Variants in LRMDA observed in about 807,000 individuals in gnomAD.
LRMDA encodes the protein leucine-rich melanocyte differentiation-associated protein.
Under a neutral mutation model 29.8 loss-of-function variants are expected in LRMDA, and 18 were observed. The ratio of observed to expected loss-of-function variants is 0.60; its 90% CI spans 0.42 to 0.90. The LOEUF is 0.90. LRMDA is among the 40% of genes least tolerant of loss of function. The probability of loss-of-function intolerance (pLI) is 0.00; values close to 1 mark genes in which losing one functional copy is unlikely to be tolerated. For synonymous variants in LRMDA, 125 were observed against 109.4 expected (o/e 1.14, Z -0.89); for missense variants, 273 against 273.9 (o/e 1.00, Z 0.02).
At chr10:75,649,075 T>C (rs1212042467) in intron 2 of LRMDA, among the ~76,000 whole-genome samples, 1 of 152,198 alleles carries the variant, frequency 6.6e-6, no homozygotes, top group Non-Finnish European at 1.5e-5. Flanking sequence ...TTTGTTCATT[T>C]TGTAAAGCTG....
chr10:75,943,375 A>G (rs986577174), intron 2 of LRMDA, among the ~76,000 whole-genome samples: 1 of 152,198 alleles, frequency 6.6e-6, no homozygotes, highest in Non-Finnish European at 1.5e-5. Flanking sequence ...TACAGATGAG[A>G]AAACAGAAGC....
intron 2 of LRMDA, among the ~76,000 whole-genome samples, chr10:75,731,500 T>C (rs1842696632): frequency 6.6e-6 from 1 of 152,216 alleles, no homozygotes; most frequent in African/African-American, 2.4e-5. Context: ...AGATAGTGCC[T>C]GGCCCACAGT....
At chr10:76,042,318 A>T (rs1190030749) in intron 3 of LRMDA, among the ~76,000 whole-genome samples, 1 of 152,210 alleles carries the variant, frequency 6.6e-6, no homozygotes, top group African/African-American at 2.4e-5. Context: ...AGCTTCTGCC[A>T]TACAAAATAC....
rs1488858512 is a variant in LRMDA, at chr10:75,510,530, TG to T, written c.131+72037del. Among the ~76,000 whole-genome samples the T allele has an allele frequency of 3.9e-5, 6 of 152,222 alleles. No individual in the cohort carries two copies. The East Asian group carries it at 1.2e-3, about 29-fold the overall frequency. ...GGAGTAATCCAAAATTTCTAACACATGAGGGTATGAGAGGCTTCTTGGGGGA... is the reference window on the plus strand; with the variant it reads ...GGAGTAATCCAAAATTTCTAACACATAGGGTATGAGAGGCTTCTTGGGGGA... On this transcript the variant is annotated intron_variant, in intron 2 of 6. Transcript: ENST00000611255.
intron 5 of LRMDA, among the ~76,000 whole-genome samples, chr10:76,126,984 A>G (rs1358062259): frequency 1.3e-5 from 2 of 152,086 alleles, no homozygotes; most frequent in East Asian, 3.9e-4. Context: ...GAGCCTGGGG[A>G]GCAGATTTTG....
At chr10:76,518,646 A>G (rs1320725876) in intron 6 of LRMDA, among the ~76,000 whole-genome samples, 2 of 152,182 alleles carry the variant, frequency 1.3e-5, no homozygotes, top group East Asian at 3.8e-4. Context: ...TTAAATATGA[A>G]AAAAACTGTC....
chr10:76,282,644 C>T (rs1840220606), intron 5 of LRMDA, among the ~76,000 whole-genome samples: 1 of 152,216 alleles, frequency 6.6e-6, no homozygotes, highest in Admixed American at 6.5e-5. Context: ...TATATATCTG[C>T]AAGCGTGCTC....
At chr10:75,879,235 G>C (rs898726461) in intron 2 of LRMDA, among the ~76,000 whole-genome samples, 10 of 152,228 alleles carry the variant, frequency 6.6e-5, no homozygotes, top group African/African-American at 2.4e-4. Context: ...GGCCCAGAGT[G>C]TAAGGACCAC....
chr10:75,491,700 G>A (rs188416931), intron 2 of LRMDA, among the ~76,000 whole-genome samples: 96 of 152,240 alleles, frequency 6.3e-4, no homozygotes, highest in African/African-American at 2.2e-3. Context: ...TAGGGGATAA[G>A]ACAAGTTGAA....
At chr10:75,862,177 T>TACACACACACAC (rs1844941723) in intron 2 of LRMDA, among the ~76,000 whole-genome samples, 1 of 76,460 alleles carries the variant, frequency 1.3e-5, no homozygotes, top group Non-Finnish European at 2.8e-5. Flanking sequence ...AAACCTTGGG[T>TACACACACACAC]TCACACACAC....
intron 5 of LRMDA, among the ~76,000 whole-genome samples, chr10:76,128,542 G>A (rs773106878): frequency 9.9e-5 from 15 of 152,214 alleles, no homozygotes; most frequent in Admixed American, 3.3e-4. Flanking sequence ...AGCTCAGTGA[G>A]TGAGGCCAGA....
rs530999840 is a variant in LRMDA at position 76,113,884 on chromosome 10, CTCT to C, written c.516+55106_516+55108del. ...ACAGAGCTCAGCATTGTGCCCTCCT[CTCT>C]TCTTGTCCCTTTTTTCCTGAAGGGA... On this transcript the variant is annotated intron_variant, in intron 5 of 6. Transcript: ENST00000611255. Among the ~76,000 whole-genome samples, 8 of 152,342 alleles carry C rather than the reference CTCT, an allele frequency of 5.3e-5. No individual in the cohort carries two copies. In the South Asian group the frequency reaches 1.4e-3, roughly 28 times the overall value.
intron 6 of LRMDA, among the ~76,000 whole-genome samples, chr10:76,441,462 G>A (rs994583991): frequency 6.6e-6 from 1 of 152,154 alleles, no homozygotes. Flanking sequence ...CTAACCCATA[G>A]GAATGTTGGG....
intron 5 of LRMDA, among the ~76,000 whole-genome samples, chr10:76,086,132 C>T (rs1270982578): frequency 6.6e-6 from 1 of 152,214 alleles, no homozygotes; most frequent in African/African-American, 2.4e-5. Context: ...TCGCCTTACC[C>T]CATTCTCAGG....
At position 76,022,135 on chromosome 10, in the gene LRMDA, G is replaced by A. The variant is rs991599788; in HGVS notation, c.132-13873G>A. 6.6e-5 allele frequency among the ~76,000 whole-genome samples: 10 copies of A among 152,318 alleles called. No homozygotes were observed. The East Asian group carries it at 1.7e-3, about 26-fold the overall frequency. On this transcript the variant is annotated intron_variant, in intron 2 of 6. Transcript: ENST00000611255. ...GACCTTTTAAGGTCACTTGGAAGCA[G>A]AAGAAGCACTGAAATCTCATTAACA...
chr10:76,276,594 G>C (rs1386578698), intron 5 of LRMDA, among the ~76,000 whole-genome samples: 1 of 152,042 alleles, frequency 6.6e-6, no homozygotes, highest in Non-Finnish European at 1.5e-5. Context: ...GCTATAATAG[G>C]TGCTTTGATG....
At chr10:75,688,015 A>G (rs750717032) in intron 2 of LRMDA, among the ~76,000 whole-genome samples, 4 of 152,226 alleles carry the variant, frequency 2.6e-5, no homozygotes, top group Non-Finnish European at 5.9e-5. Context: ...TAAAAATATT[A>G]CTGCTTATTG....
chr10:75,702,520 T>C (rs1010859203), intron 2 of LRMDA, among the ~76,000 whole-genome samples: 4 of 152,092 alleles, frequency 2.6e-5, no homozygotes, highest in African/African-American at 9.7e-5. Context: ...CTTTACCCTA[T>C]TCAGTGAAGC....
At chr10:75,497,562 C>T (rs1008656012) in intron 2 of LRMDA, among the ~76,000 whole-genome samples, 11 of 151,266 alleles carry the variant, frequency 7.3e-5, no homozygotes, top group African/African-American at 1.2e-4. Context: ...AAGTGTAGAT[C>T]CTGATTTCAA....
Sources: gnomAD v4.1 joint callset for allele counts (sites outside exome capture counted in the v4.1 genomes callset) on GRCh38, gnomAD v4.1.1 for gene constraint, MANE v1.5 for transcripts, NCBI Gene and HGNC (gene_info 2026-07-23, HGNC 2026-07-21) for gene names.